CCDC141: variants seen among roughly 807,000 people sequenced by gnomAD.
The protein encoded by CCDC141 is coiled-coil domain containing 141, also known as coiled-coil domain-containing protein 141.
Under a neutral mutation model 181.0 loss-of-function variants are expected in CCDC141, and 168 were observed. The ratio of observed to expected loss-of-function variants is 0.93; its 90% CI spans 0.82 to 1.05. CCDC141 has a LOEUF of 1.05. Among genes scored for constraint, CCDC141 ranks in the 50% least tolerant of loss-of-function variants. CCDC141 has a pLI of 0.00. For missense variants in CCDC141, 1,902 were observed against 1,788.5 expected (o/e 1.06, Z -1.14); for synonymous variants, 666 against 642.3 (o/e 1.04, Z -0.56).
At chr2:178,866,030 G>T in intron 16 of CCDC141, 114 bp from the exon 17 acceptor site, 1 of 818,588 alleles carries the variant, frequency 1.2e-6, no homozygotes, top group Non-Finnish European at 1.7e-6. Flanking sequence ...AAAAGAAATA[G>T]GTTCCTGATT....
chr2:178,843,161 A>G (rs955034368), intron 22 of CCDC141, among the ~76,000 whole-genome samples: 12 of 152,234 alleles, frequency 7.9e-5, no homozygotes, highest in Non-Finnish European at 1.6e-4. Flanking sequence ...TATACGCAAT[A>G]GTTCCTGGGA....
intron 11 of CCDC141, among the ~76,000 whole-genome samples, chr2:178,881,937 A>T (rs1412955586): frequency 1.1e-4 from 17 of 150,916 alleles, no homozygotes; most frequent in African/African-American, 2.7e-4. Context: ...ACACACACAC[A>T]CACACACACA....
At chr2:178,850,664 A>G (rs1391356272) in intron 20 of CCDC141, among the ~76,000 whole-genome samples, 1 of 151,940 alleles carries the variant, frequency 6.6e-6, no homozygotes, top group African/African-American at 2.4e-5. Context: ...CTGTCCCTCC[A>G]CTCTCAATTT....
At chr2:178,943,770 ATAAACGCAC>A (rs1689617988) in intron 6 of CCDC141, among the ~76,000 whole-genome samples, 1 of 152,156 alleles carries the variant, frequency 6.6e-6, no homozygotes, top group South Asian at 2.1e-4. Context: ...CCCCAGATGT[ATAAACGCAC>A]TGATTTTCAA....
intron 8 of CCDC141, among the ~76,000 whole-genome samples, chr2:178,894,568 GAAAT>G (rs1159872408): frequency 6.6e-6 from 1 of 151,024 alleles, no homozygotes; most frequent in East Asian, 1.9e-4. Context: ...CAAAAAGTCA[GAAAT>G]AAAACAAAAT....
At chr2:178,989,068 A>C (rs570606181) in intron 2 of CCDC141, among the ~76,000 whole-genome samples, 1 of 152,238 alleles carries the variant, frequency 6.6e-6, no homozygotes, top group Non-Finnish European at 1.5e-5. Flanking sequence ...TTTTGTAAGT[A>C]AATTTTCATC....
chr2:178,871,558 A>G lies in CCDC141; in HGVS notation c.2080-6T>C, dbSNP rs748242214. On this transcript the variant is annotated splice_polypyrimidine_tract_variant and splice_region_variant and intron_variant, in intron 13 of 23. Coordinates refer to ENST00000443758, the MANE Select transcript of CCDC141 (RefSeq NM_173648.4). The stretch of plus-strand genomic sequence containing the variant: ...AGTTTTAAGTTGTGAGAAGTCTGAA[A>G]TAAATATTGGACAGTTACACATGCA... The G allele has an allele frequency of 1.6e-5, 26 of 1,612,946 alleles. No individual in the cohort carries two copies. In the Admixed American group the frequency reaches 3.2e-4, roughly 20 times the overall value.
At chr2:178,827,260 G>A (rs1480200269), downstream of CCDC141, among the ~76,000 whole-genome samples, 1 of 152,056 alleles carries the variant, frequency 6.6e-6, no homozygotes, top group Non-Finnish European at 1.5e-5. Flanking sequence ...ATGATATATG[G>A]CCAAGAATGT....
chr2:178,842,339 C>G (rs578139817), intron 22 of CCDC141, among the ~76,000 whole-genome samples: 2 of 152,346 alleles, frequency 1.3e-5, no homozygotes, highest in South Asian at 4.1e-4. Flanking sequence ...TTTAAGTTCT[C>G]TAATTGTCTC....
At chr2:178,949,035 C>T (rs889813763) in intron 5 of CCDC141, among the ~76,000 whole-genome samples, 42 of 152,160 alleles carry the variant, frequency 2.8e-4, no homozygotes, top group African/African-American at 9.7e-4. Context: ...CTCCTTCCCA[C>T]ATTTTTTTTA....
intron 1 of CCDC141, 143 bp downstream of exon 1, chr2:179,049,697 C>G: frequency 2.7e-6 from 2 of 744,172 alleles, no homozygotes; most frequent in Non-Finnish European, 4.2e-6. Flanking sequence ...CTCTTAGTAG[C>G]CCATTTTAGA....
intron 2 of CCDC141, among the ~76,000 whole-genome samples, chr2:179,043,179 T>C (rs982198590): frequency 2.0e-5 from 3 of 152,066 alleles, no homozygotes; most frequent in Non-Finnish European, 4.4e-5. Context: ...CAGGAAGAAA[T>C]TGAATCCTTG....
intron 1 of CCDC141, among the ~76,000 whole-genome samples, chr2:179,047,786 G>A (rs1179819608): frequency 6.6e-6 from 1 of 152,196 alleles, no homozygotes; most frequent in African/African-American, 2.4e-5. Context: ...AATAAAAATA[G>A]TGAAATTCCA....
At chr2:178,932,303 T>C in intron 6 of CCDC141, among the ~76,000 whole-genome samples, 1 of 152,152 alleles carries the variant, frequency 6.6e-6, no homozygotes, top group East Asian at 1.9e-4. Context: ...TAGGCCCAAA[T>C]ACATAAGAAA....
At chr2:178,888,718 C>T in intron 8 of CCDC141, 50 bp from the exon 9 acceptor site, 1 of 1,543,096 alleles carries the variant, frequency 6.5e-7, no homozygotes, top group Non-Finnish European at 8.8e-7. Flanking sequence ...ATATAGAACA[C>T]AGAATATTTG....
chr2:178,940,377 A>G (rs1300926734), intron 6 of CCDC141, among the ~76,000 whole-genome samples: 2 of 152,242 alleles, frequency 1.3e-5, no homozygotes, highest in Non-Finnish European at 2.9e-5. Flanking sequence ...TGTTATGGCA[A>G]AAAACAATAT....
chr2:178,875,526 C>A (rs2154369569), intron 12 of CCDC141: 1 of 151,762 alleles, frequency 6.6e-6, no homozygotes, highest in Non-Finnish European at 1.5e-5. Context: ...GATCGCACCA[C>A]TGCACTCCAG....
chr2:178,899,187 C>A (rs1038770071), intron 8 of CCDC141, among the ~76,000 whole-genome samples: 3 of 152,166 alleles, frequency 2.0e-5, no homozygotes, highest in Non-Finnish European at 1.5e-5. Flanking sequence ...CAGTAACATG[C>A]TGCACAAGTC....
intron 4 of CCDC141, among the ~76,000 whole-genome samples, chr2:178,971,101 G>A (rs1253777570): frequency 1.3e-5 from 2 of 152,062 alleles, no homozygotes; most frequent in Non-Finnish European, 2.9e-5. Flanking sequence ...CCAGCTACTC[G>A]GGAGGCTGAG....
Sources: allele counts gnomAD v4.1 joint callset (sites outside exome capture counted in the v4.1 genomes callset), GRCh38; gene constraint gnomAD v4.1.1; transcripts MANE v1.5; gene names NCBI Gene and HGNC (gene_info 2026-07-23, HGNC 2026-07-21).